KIAA0319: variants seen among roughly 807,000 people sequenced by gnomAD.
KIAA0319 encodes KIAA0319, also known as dyslexia-associated protein KIAA0319.
KIAA0319 carries 83 observed loss-of-function variants against 108.4 expected under a neutral mutation model. That is an observed-to-expected ratio of 0.77 (90% CI 0.64 to 0.92). The LOEUF is 0.92. KIAA0319 is among the 40% of genes least tolerant of loss of function. The pLI is 0.00. For synonymous variants in KIAA0319, 484 were observed against 510.4 expected, an observed-to-expected ratio of 0.95 and a Z score of 0.70; for missense variants, 1,195 against 1,322.4, an observed-to-expected ratio of 0.90 and a Z score of 1.49.
intron 1 of KIAA0319, among the ~76,000 whole-genome samples, chr6:24,619,811 C>T (rs913285546): frequency 4.6e-5 from 7 of 152,208 alleles, no homozygotes; most frequent in Non-Finnish European, 1.0e-4. Context: ...TAAAATAAAA[C>T]AGTGCCTTCT....
chr6:24,608,800 A>G (rs1052097301), intron 1 of KIAA0319, among the ~76,000 whole-genome samples: 11 of 151,780 alleles, frequency 7.2e-5, no homozygotes, highest in East Asian at 1.9e-4. Flanking sequence ...GCATGGTGGC[A>G]GGCACCTGTA....
intron 1 of KIAA0319, among the ~76,000 whole-genome samples, chr6:24,618,334 T>C (rs376857937): frequency 6.6e-6 from 1 of 151,906 alleles, no homozygotes. Flanking sequence ...ACAGGCCAAG[T>C]AGAATGACTC....
chr6:24,627,858 G>A (rs1040289462), intron 1 of KIAA0319, among the ~76,000 whole-genome samples: 1 of 152,188 alleles, frequency 6.6e-6, no homozygotes, highest in African/African-American at 2.4e-5. Context: ...ATATTTGTGT[G>A]CATCATTTAT....
intron 1 of KIAA0319, among the ~76,000 whole-genome samples, chr6:24,603,301 A>G (rs981943078): frequency 2.0e-5 from 3 of 152,202 alleles, no homozygotes; most frequent in African/African-American, 7.2e-5. Flanking sequence ...TGGTTTGCCC[A>G]AAGTAGAAGA....
In KIAA0319 at chr6:24,645,762, G is replaced by T. The variant is rs1006483916; in HGVS notation, c.-132C>A. ...TGTGGTCACTGCTGGCGACACTGAAGCTCGCCCCATGCGTTGCTGCTGGCC... is the reference window on the plus strand; with the variant it reads ...TGTGGTCACTGCTGGCGACACTGAATCTCGCCCCATGCGTTGCTGCTGGCC... On this transcript the variant is annotated 5_prime_UTR_variant, in exon 1 of 21. Coordinates refer to ENST00000378214, the MANE Select transcript of KIAA0319 (RefSeq NM_014809.4). 2.6e-5 allele frequency: 4 copies of T among 151,900 alleles called. No individual in the cohort carries two copies. The highest frequency in any genetic ancestry group is 5.9e-5 in the Non-Finnish European group (4 of 68,200). The allele number at this position is 151,900 out of a possible 1,614,324, so 9.4% of individuals were successfully genotyped here.
chr6:24,623,798 A>T (rs1034335895), intron 1 of KIAA0319, among the ~76,000 whole-genome samples: 2 of 152,158 alleles, frequency 1.3e-5, no homozygotes, highest in Admixed American at 6.5e-5. Flanking sequence ...TTCCCAACAT[A>T]AAGAAATGAT....
intron 19 of KIAA0319, among the ~76,000 whole-genome samples, chr6:24,551,847 A>C (rs1348938985): frequency 1.3e-5 from 2 of 152,222 alleles, no homozygotes; most frequent in Non-Finnish European, 2.9e-5. Flanking sequence ...GTAATTCCTT[A>C]TTCAGAAAAG....
At chr6:24,565,752 CAAAAAAAA>C (rs71542686) in intron 14 of KIAA0319, among the ~76,000 whole-genome samples, 5 of 62,714 alleles carry the variant, frequency 8.0e-5, no homozygotes, top group African/African-American at 2.9e-4. Context: ...GACTCCATCT[CAAAAAAAA>C]AAAAAAAAAA....
chr6:24,607,915 G>T (rs1279297168), intron 1 of KIAA0319, among the ~76,000 whole-genome samples: 1 of 151,964 alleles, frequency 6.6e-6, no homozygotes, highest in South Asian at 2.1e-4. Flanking sequence ...AACTGTGAAC[G>T]AACTAATTGG....
rs548851766 is a variant in KIAA0319, at chr6:24,578,579, A to G, written c.1373-337T>C. Among the ~76,000 whole-genome samples, 17 of 152,354 alleles carry G rather than the reference A, an allele frequency of 1.1e-4. No homozygotes were observed. In the East Asian group the frequency reaches 3.3e-3, roughly 29 times the overall value. ...CTTCTGCTCACCTCAGCTACAGCAT[A>G]CTGATCATTTTAAATAGGCACCTGA... On this transcript the variant is annotated intron_variant, in intron 8 of 20. Transcript: ENST00000378214.
At chr6:24,602,946 C>T (rs1770866573) in intron 1 of KIAA0319, among the ~76,000 whole-genome samples, 1 of 152,200 alleles carries the variant, frequency 6.6e-6, no homozygotes, top group Non-Finnish European at 1.5e-5. Context: ...GGAATACCTT[C>T]ATGTGTCAGT....
chr6:24,634,084 G>T (rs1464802804), intron 1 of KIAA0319, among the ~76,000 whole-genome samples: 2 of 152,166 alleles, frequency 1.3e-5, no homozygotes, highest in African/African-American at 4.8e-5. Flanking sequence ...CAAAAAAATA[G>T]TCAAGTTCCA....
chr6:24,630,508 C>CAA (rs66787757), intron 1 of KIAA0319, among the ~76,000 whole-genome samples: 147 of 104,268 alleles, frequency 1.4e-3, no homozygotes, highest in Non-Finnish European at 2.2e-3. Flanking sequence ...GATTCTGTCT[C>CAA]AAAAAAAAAA....
rs2127472661 is a variant in KIAA0319, at chr6:24,576,564, T to C, written c.1538A>G (p.Asn513Ser). ...LTVTDSDGAT[N>S]STTAALIVNN... is the part of the protein sequence containing the mutation. ...CACTATTAGGGCTGCAGTTGTAGAGTTAGTGGCTCCGTCCGAGTCTGTAAC... is the reference window on the plus strand; with the variant it reads ...CACTATTAGGGCTGCAGTTGTAGAGCTAGTGGCTCCGTCCGAGTCTGTAAC... The change falls in exon 10 of 21, where the codon AAC (asparagine) becomes AGC (serine). Residue 513 changes from asparagine to serine, a missense_variant. Coordinates refer to ENST00000378214, the MANE Select transcript of KIAA0319 (RefSeq NM_014809.4). 1 of 1,613,954 alleles carries C rather than the reference T, an allele frequency of 6.2e-7. No individual in the cohort carries two copies. The highest frequency in any genetic ancestry group is 2.2e-5 in the East Asian group (1 of 44,878).
intron 1 of KIAA0319, among the ~76,000 whole-genome samples, chr6:24,638,010 C>T (rs1177397798): frequency 1.3e-5 from 2 of 152,044 alleles, no homozygotes; most frequent in East Asian, 3.9e-4. Context: ...TAGAACTCCA[C>T]CAGAAAAGCA....
chr6:24,642,157 G>A (rs535051310), intron 1 of KIAA0319, among the ~76,000 whole-genome samples: 5 of 99,152 alleles, frequency 5.0e-5, no homozygotes, highest in Admixed American at 3.0e-4. Flanking sequence ...GAAGGAGGGA[G>A]GGAGGGAGGG....
chr6:24,590,637 G>A (rs1448602002), intron 3 of KIAA0319, among the ~76,000 whole-genome samples: 1 of 152,132 alleles, frequency 6.6e-6, no homozygotes, highest in Non-Finnish European at 1.5e-5. Flanking sequence ...TTATTGCCAA[G>A]TTGAAATAAA....
intron 3 of KIAA0319, among the ~76,000 whole-genome samples, chr6:24,591,846 G>A (rs1768526381): frequency 6.6e-6 from 1 of 152,132 alleles, no homozygotes; most frequent in African/African-American, 2.4e-5. Flanking sequence ...GATCTTTGGA[G>A]AAAGTCTATT....
At position 24,562,073 on chromosome 6, in the gene KIAA0319, C is replaced by G. The variant is rs74737594; in HGVS notation, c.2591+1286G>C. Among the ~76,000 whole-genome samples the G allele has an allele frequency of 4.6e-4, 70 of 152,262 alleles. No individual in the cohort carries two copies. The East Asian group carries it at 0.012, about 26-fold the overall frequency. On this transcript the variant is annotated intron_variant, in intron 16 of 20. Transcript: ENST00000378214. ...TTGGTCTCGAACTCCTGGGTTCAAG[C>G]TATCTGCCTGCCTTGGCCTCCCAAA...
Sources: gnomAD v4.1 joint callset for allele counts (sites outside exome capture counted in the v4.1 genomes callset) on GRCh38, gnomAD v4.1.1 for gene constraint, MANE v1.5 for transcripts, NCBI Gene and HGNC (gene_info 2026-07-23, HGNC 2026-07-21) for gene names.